PER3: variants seen among roughly 807,000 people sequenced by gnomAD.
PER3 encodes the protein period circadian protein homolog 3.
Under a neutral mutation model 127.2 loss-of-function variants are expected in PER3, and 107 were observed. That is an observed-to-expected ratio of 0.84 (90% confidence interval 0.72 to 0.99). The LOEUF (loss-of-function observed/expected upper bound fraction) is 0.99. Ranked by LOEUF, PER3 falls within the 50% of genes least tolerant of loss-of-function variation. The pLI, the probability that PER3 is intolerant of heterozygous loss-of-function variation, is 0.00. For synonymous variants in PER3, 618 were observed against 585.8 expected (o/e 1.05, Z -0.79); for missense variants, 1,560 against 1,525.8 (o/e 1.02, Z -0.37).
chr1:7,784,594 C>T (rs982081664), intron 1 of PER3, 60 bp from the exon 2 acceptor site: 13 of 277,994 alleles, frequency 4.7e-5, no homozygotes, highest in Non-Finnish European at 7.4e-5. Context: ...GCCAGCCGGG[C>T]CGCTGGCGTC....
chr1:7,809,777 C>T (rs2097210910), intron 11 of PER3, 116 bp from the exon 12 acceptor site: 2 of 992,538 alleles, frequency 2.0e-6, no homozygotes, highest in African/African-American at 3.3e-5. Flanking sequence ...CTGCACACAC[C>T]TAATTTAGTA....
At chr1:7,787,130 C>G (rs2097095472) in intron 4 of PER3, 1 of 352,784 alleles carries the variant, frequency 2.8e-6, no homozygotes. Flanking sequence ...AAAAATTACA[C>G]TGCAGAGTAA....
chr1:7,787,389 T>G (rs1032830620), intron 4 of PER3: 1 of 328,180 alleles, frequency 3.0e-6, no homozygotes, highest in Non-Finnish European at 6.0e-6. Flanking sequence ...AACATAATTG[T>G]TACTTAAAGA....
intron 6 of PER3, among the ~76,000 whole-genome samples, chr1:7,796,673 A>AG (rs1383482954): frequency 2.0e-5 from 3 of 151,980 alleles, no homozygotes; most frequent in Non-Finnish European, 1.5e-5. Context: ...GATACTTTGG[A>AG]GGGGGAAGAA....
chr1:7,836,066 C>T (rs1406546786), intron 20 of PER3, 121 bp downstream of exon 20: 1 of 619,972 alleles, frequency 1.6e-6, no homozygotes, highest in East Asian at 2.9e-5. Flanking sequence ...GGCACGATCT[C>T]AGCACACTGC....
In PER3 at chr1:7,826,024, G is replaced by A. The variant is rs697692; in HGVS notation, c.1958-456G>A. Among the ~76,000 whole-genome samples, 57,942 of 151,968 alleles carry A rather than the reference G, an allele frequency of 0.38. 11,868 individuals are homozygous for A. The highest frequency in any genetic ancestry group is 0.52 in the African/African-American group (21,567 of 41,416). On this transcript the variant is annotated intron_variant, in intron 16 of 21. Coordinates refer to ENST00000377532, the MANE Select transcript of PER3 (RefSeq NM_001377275.1). The surrounding 1 kb of genome is among the most constrained non-coding windows in gnomAD (Gnocchi z 4.2). ...GGCGGAGGTTGCAGTGAGCCATGAC[G>A]GCGCCACTTCACTCCAGCGGAATGG...
chr1:7,840,997 T>C lies in PER3; in HGVS notation c.3550-1675T>C, dbSNP rs76725381. 2.6e-5 allele frequency among the ~76,000 whole-genome samples: 4 copies of C among 152,364 alleles called. No individual in the cohort carries two copies. The East Asian group carries it at 7.7e-4, about 29-fold the overall frequency. On this transcript the variant is annotated intron_variant, in intron 21 of 21. Coordinates refer to ENST00000377532, the MANE Select transcript of PER3 (RefSeq NM_001377275.1). The stretch of plus-strand genomic sequence containing the variant: ...CTCAGAGACTTTTGCTATTGGTTTA[T>C]TTTTCCCTTTGAATGGCCTATACCA...
chr1:7,808,972 G>C lies in PER3; in HGVS notation c.1216G>C (p.Glu406Gln), dbSNP rs759073393. The change falls in exon 11 of 22, where the codon GAA (glutamate) becomes CAA (glutamine). Residue 406 changes from glutamate to glutamine, a missense_variant. Transcript: ENST00000377532. Reference protein sequence around the residue: ...DNDKDITELQEQIYKLLLQPV... With the variant: ...DNDKDITELQQQIYKLLLQPV... The stretch of plus-strand genomic sequence containing the variant: ...TGACAAAGACATAACAGAATTACAA[G>C]AACAAATTTACAAACTTCTCTTACA... The C allele has an allele frequency of 1.3e-6, 2 of 1,570,030 alleles. No individual in the cohort carries two copies. The highest frequency in any genetic ancestry group is 2.2e-5 in the East Asian group (1 of 44,560).
intron 5 of PER3, among the ~76,000 whole-genome samples, chr1:7,791,401 G>A (rs1000282033): frequency 6.6e-6 from 1 of 152,236 alleles, no homozygotes; most frequent in African/African-American, 2.4e-5. Flanking sequence ...TGGAGGTGAA[G>A]CAGCTGGAAT....
intron 21 of PER3, among the ~76,000 whole-genome samples, chr1:7,838,952 G>A (rs978921317): frequency 3.3e-5 from 5 of 150,898 alleles, no homozygotes; most frequent in Admixed American, 1.3e-4. Flanking sequence ...GTAATTACTG[G>A]TAAAGAAGGA....
chr1:7,816,760 G>T (rs2097253575), intron 13 of PER3, among the ~76,000 whole-genome samples: 1 of 152,188 alleles, frequency 6.6e-6, no homozygotes, highest in Non-Finnish European at 1.5e-5. Context: ...GGGAAAGTTT[G>T]ACATTTCCCA....
intron 5 of PER3, among the ~76,000 whole-genome samples, chr1:7,791,587 C>T (rs929859264): frequency 6.6e-6 from 1 of 152,234 alleles, no homozygotes; most frequent in Non-Finnish European, 1.5e-5. Flanking sequence ...CTTCTTGTTA[C>T]TTCTGCAAAT....
intron 10 of PER3, among the ~76,000 whole-genome samples, chr1:7,808,231 T>TAAAA (rs2097203751): frequency 9.7e-5 from 3 of 30,866 alleles, no homozygotes; most frequent in Non-Finnish European, 1.9e-4. Context: ...AGACTCTGTC[T>TAAAA]CAAAAAAAAA....
Position 7,820,473 on chromosome 1 carries a change from T to A in PER3, c.1790T>A (p.Leu597Ter). 1 of 1,608,832 alleles carries A rather than the reference T, an allele frequency of 6.2e-7. No homozygotes were observed. Among genetic ancestry groups the A allele is most frequent in the Non-Finnish European group, 8.5e-7 (1 of 1,178,052 alleles). ...GTTTCTCTTACACCACCAGCTGGTT[T>A]GCAAATCCCAGCCATACCTAAATCA... is the stretch of plus-strand genomic sequence containing the variant. ...ADDVQALQAG[L>*]QIPAIPKSEM... The change falls in exon 16 of 22, where the codon TTG becomes TAG. Residue 597 changes from leucine (L) to a stop codon, truncating the protein, a stop_gained. Coordinates refer to ENST00000377532, the MANE Select transcript of PER3 (RefSeq NM_001377275.1). LOFTEE classifies it high-confidence loss of function.
chr1:7,791,235 G>A (rs924636643), intron 5 of PER3, among the ~76,000 whole-genome samples: 6 of 152,240 alleles, frequency 3.9e-5, no homozygotes, highest in East Asian at 1.9e-4. Context: ...AGGCATTTCC[G>A]TACATCCTCT....
chr1:7,809,418 C>A (rs2097209365), intron 11 of PER3, among the ~76,000 whole-genome samples: 2 of 152,012 alleles, frequency 1.3e-5, no homozygotes, highest in African/African-American at 4.8e-5. Context: ...GTGTTTTCTA[C>A]AAGAGATTCA....
chr1:7,788,227 G>A lies in PER3; in HGVS notation c.573G>A (p.Trp191Ter), dbSNP rs1025716093. The change falls in exon 5 of 22, where the codon TGG becomes TGA. Residue 191 changes from tryptophan (W) to a stop codon, truncating the protein, a stop_gained. Transcript: ENST00000377532. LOFTEE classifies it high-confidence loss of function. Reference protein sequence around the residue: ...AHTARAQLPFWNNWTQRAAAR... With the variant: ...AHTARAQLPF ...CTGCCAGAGCTCAGCTTCCTTTCTG[G>A]AACAACTGGACCCAAAGAGGTAACA... 3.1e-6 allele frequency: 5 copies of A among 1,613,402 alleles called. No homozygotes were observed. The highest frequency in any genetic ancestry group is 4.2e-6 in the Non-Finnish European group (5 of 1,179,480).
Position 7,827,448 on chromosome 1 carries a change from G to C in PER3, c.2519G>C (p.Gly840Ala), listed in dbSNP as rs1192902030. Residue 840 changes from glycine to alanine, a missense_variant, in exon 18 of 22, where the codon GGC becomes GCC. Physicochemically the swap from Gly to Ala is moderately conservative, Grantham distance 60. This residue lies in a region of PER3 where 1,332 missense variants were observed against 1,223.6 expected (regional missense o/e 1.09). Coordinates refer to ENST00000377532, the MANE Select transcript of PER3 (RefSeq NM_001377275.1). The part of the protein sequence containing the change: ...EGLHGLPLSE[G>A]LQPYPAFPFP... ...CTGCATGGGCTGCCCTTGTCCGAGG[G>C]CTTGCAGCCTTACCCAGCTTTCCCT... The C allele has an allele frequency of 6.2e-7, 1 of 1,614,178 alleles. No individual in the cohort carries two copies. Among genetic ancestry groups the C allele is most frequent in the African/African-American group, 1.3e-5 (1 of 75,060 alleles).
intron 5 of PER3, 121 bp downstream of exon 5, chr1:7,788,367 C>A: frequency 1.4e-6 from 1 of 701,872 alleles, no homozygotes; most frequent in Non-Finnish European, 2.4e-6. Flanking sequence ...TTTTCTTATT[C>A]CTGTTATAGA....
Sources: gnomAD v4.1 joint callset for allele counts (sites outside exome capture counted in the v4.1 genomes callset) on GRCh38, gnomAD v4.1.1 for gene constraint, gnomAD v4.1.1 regional missense constraint, Gnocchi (gnomAD v3.1) non-coding constraint, MANE v1.5 for transcripts, NCBI Gene and HGNC (gene_info 2026-07-23, HGNC 2026-07-21) for gene names.